The following LNX1 variants were observed in gnomAD, a reference collection of about 807,000 sequenced individuals.
The protein encoded by LNX1 is ligand of numb-protein X 1.
LNX1 carries 54 observed loss-of-function variants against 68.4 expected under a neutral mutation model. The observed-to-expected ratio is 0.79, with a 90% CI of 0.63 to 0.99. The LOEUF is 0.99. Among genes scored for constraint, LNX1 ranks in the 50% least tolerant of loss-of-function variants. LNX1 has a pLI of 0.00. For missense variants in LNX1, 906 were observed against 926.4 expected (o/e 0.98, Z 0.29); for synonymous variants, 336 against 350.0 (o/e 0.96, Z 0.45).
At chr4:53,462,018 A>G (rs970359198) in intron 9 of LNX1, among the ~76,000 whole-genome samples, 22 of 149,318 alleles carry the variant, frequency 1.5e-4, no homozygotes, top group Admixed American at 5.9e-4. Flanking sequence ...AATCTCAATG[A>G]AAGCAGTTTA....
At chr4:53,503,921 G>A (rs1428718199) in intron 4 of LNX1, among the ~76,000 whole-genome samples, 1 of 152,226 alleles carries the variant, frequency 6.6e-6, no homozygotes, top group East Asian at 1.9e-4. Context: ...ATGACCTGCG[G>A]TCAGGAGTTC....
At chr4:53,576,492 G>T in intron 1 of LNX1, 1 of 1,258,852 alleles carries the variant, frequency 7.9e-7, no homozygotes, top group African/African-American at 1.5e-5. Context: ...TTCCCATGAG[G>T]CAGGCTCTTC....
Position 53,459,409 on chromosome 4 carries a change from C to T in LNX1, c.*1498G>A. On this transcript the variant is annotated 3_prime_UTR_variant, in exon 11 of 11. Coordinates refer to ENST00000263925, the MANE Select transcript of LNX1 (RefSeq NM_001126328.3). Reference sequence around the variant, plus strand: ...GGAAAAGAAGCGGGCAGTGAGCCTGCCCCTGAACAGGAGAGCACCGAAGCT... The same window carrying T: ...GGAAAAGAAGCGGGCAGTGAGCCTGTCCCTGAACAGGAGAGCACCGAAGCT... The T allele has an allele frequency of 6.2e-7, 1 of 1,612,270 alleles. No individual in the cohort carries two copies. The highest frequency in any genetic ancestry group is 8.5e-7 in the Non-Finnish European group (1 of 1,179,354).
At chr4:53,492,817 A>G (rs1386639026) in intron 6 of LNX1, among the ~76,000 whole-genome samples, 1 of 152,098 alleles carries the variant, frequency 6.6e-6, no homozygotes, top group African/African-American at 2.4e-5. Flanking sequence ...GGAGGAGCCA[A>G]GGGTTCAGTT....
At chr4:53,570,560 T>C (rs1731075984) in intron 2 of LNX1, among the ~76,000 whole-genome samples, 1 of 150,536 alleles carries the variant, frequency 6.6e-6, no homozygotes, top group African/African-American at 2.4e-5. Flanking sequence ...ATATACCTAA[T>C]GCTAAATGAC....
At chr4:53,570,794 G>A (rs1200062488) in intron 2 of LNX1, among the ~76,000 whole-genome samples, 1 of 151,130 alleles carries the variant, frequency 6.6e-6, no homozygotes, top group Non-Finnish European at 1.5e-5. Flanking sequence ...TTGGGAGGCT[G>A]AGGCGGGCGG....
intron 1 of LNX1, among the ~76,000 whole-genome samples, chr4:53,587,709 T>C (rs1732262686): frequency 1.3e-5 from 2 of 152,134 alleles, no homozygotes; most frequent in African/African-American, 4.8e-5. Context: ...TTCTCCACTT[T>C]AAGTGAGGAA....
intron 10 of LNX1, 94 bp downstream of exon 10, chr4:53,461,340 AT>A: frequency 1.0e-6 from 1 of 1,004,900 alleles, no homozygotes; most frequent in Admixed American, 2.3e-5. Context: ...CCCACAAAGT[AT>A]AATAAATACA....
chr4:53,651,248 T>C (rs6819831), intron 1 of LNX1, among the ~76,000 whole-genome samples: 7,940 of 152,232 alleles, frequency 0.052, 692 homozygotes, highest in African/African-American at 0.18. Flanking sequence ...AGTCCACACT[T>C]TATGTTGAGC....
At chr4:53,542,590 G>A (rs900527617) in intron 2 of LNX1, among the ~76,000 whole-genome samples, 2 of 152,152 alleles carry the variant, frequency 1.3e-5, no homozygotes, top group African/African-American at 2.4e-5. Context: ...ATGCCATAGA[G>A]GACAGAGGCA....
intron 2 of LNX1, among the ~76,000 whole-genome samples, chr4:53,525,467 T>G (rs1727545470): frequency 6.6e-6 from 1 of 152,130 alleles, no homozygotes; most frequent in African/African-American, 2.4e-5. Context: ...GTGACAGCAT[T>G]CTGTGTGTAT....
In LNX1 at chr4:53,495,093, A is replaced by G. The variant is rs902357129; in HGVS notation, c.1350+930T>C. Among the ~76,000 whole-genome samples the G allele has an allele frequency of 1.1e-4, 16 of 152,222 alleles. No individual in the cohort carries two copies. The East Asian group carries it at 2.9e-3, about 27-fold the overall frequency. The stretch of plus-strand genomic sequence containing the variant: ...TCTTCTGTTATGACTGTTAATGTCA[A>G]TAGCATGCTTGTGATGCCATACTAT... On this transcript the variant is annotated intron_variant, in intron 6 of 10. Transcript: ENST00000263925.
chr4:53,463,484 G>A (rs1340557681), intron 9 of LNX1, among the ~76,000 whole-genome samples: 1 of 152,016 alleles, frequency 6.6e-6, no homozygotes, highest in Non-Finnish European at 1.5e-5. Flanking sequence ...GACTTTGTGG[G>A]CATTTTTTTC....
intron 1 of LNX1, among the ~76,000 whole-genome samples, chr4:53,626,250 GA>G (rs1734071828): frequency 6.6e-6 from 1 of 152,124 alleles, no homozygotes; most frequent in South Asian, 2.1e-4. Flanking sequence ...GGTGGGAATA[GA>G]AAAAGATCAC....
At chr4:53,622,309 A>G (rs1452176078), upstream of LNX1, among the ~76,000 whole-genome samples, 2 of 152,104 alleles carry the variant, frequency 1.3e-5, no homozygotes, top group South Asian at 2.1e-4. Flanking sequence ...TAGAAAACCT[A>G]TTGACTTTTC....
chr4:53,599,056 C>G (rs548805779), intron 2 of LNX1, among the ~76,000 whole-genome samples: 363 of 152,228 alleles, frequency 2.4e-3, no homozygotes, highest in African/African-American at 8.3e-3. Context: ...CTTTAAGGCT[C>G]CAAGTTATTA....
intron 2 of LNX1, among the ~76,000 whole-genome samples, chr4:53,539,519 C>G (rs762246202): frequency 6.6e-6 from 1 of 152,206 alleles, no homozygotes; most frequent in Non-Finnish European, 1.5e-5. Context: ...GCATGTGCCA[C>G]CATGCCCAGC....
chr4:53,636,163 T>C (rs929041010), intron 1 of LNX1, among the ~76,000 whole-genome samples: 1 of 143,298 alleles, frequency 7.0e-6, no homozygotes, highest in Non-Finnish European at 1.5e-5. Context: ...TCTCAGAGAC[T>C]GCACATCTAT....
At chr4:53,563,302 C>G (rs1730410151) in intron 2 of LNX1, among the ~76,000 whole-genome samples, 1 of 152,144 alleles carries the variant, frequency 6.6e-6, no homozygotes, top group South Asian at 2.1e-4. Flanking sequence ...AATTTATAAA[C>G]AAAAGCTATG....
Sources: gnomAD v4.1 joint callset for allele counts (sites outside exome capture counted in the v4.1 genomes callset) on GRCh38, gnomAD v4.1.1 for gene constraint, MANE v1.5 for transcripts, NCBI Gene and HGNC (gene_info 2026-07-23, HGNC 2026-07-21) for gene names.